SPATA13: variants seen among roughly 807,000 people sequenced by gnomAD.
SPATA13 encodes the protein spermatogenesis associated 13.
Under a neutral mutation model 104.0 loss-of-function variants are expected in SPATA13, and 50 were observed. The observed-to-expected ratio is 0.48, with a 90% CI of 0.38 to 0.61. The LOEUF (loss-of-function observed/expected upper bound fraction) is 0.61. Among genes scored for constraint, SPATA13 ranks in the 20% least tolerant of loss-of-function variants. SPATA13 has a pLI of 0.00. For synonymous variants in SPATA13, 606 were observed against 667.5 expected (o/e 0.91, Z 1.42); for missense variants, 1,524 against 1,690.6 (o/e 0.90, Z 1.73).
At chr13:24,122,097 T>G in intron 3 of SPATA13, 2 of 1,611,272 alleles carry the variant, frequency 1.2e-6, no homozygotes, top group Non-Finnish European at 1.7e-6. Context: ...CCTCCAAAAT[T>G]GAAAGAACTT....
intron 3 of SPATA13, among the ~76,000 whole-genome samples, chr13:24,144,561 C>T (rs192629928): frequency 2.2e-4 from 33 of 152,128 alleles, no homozygotes; most frequent in African/African-American, 7.7e-4. Context: ...CCCAGACAAA[C>T]TTTGATCAGG....
In SPATA13 at chr13:24,139,736, G is replaced by A. The variant is rs146877824; in HGVS notation, c.-111-83083G>A. 1.1e-4 allele frequency among the ~76,000 whole-genome samples: 16 copies of A among 152,284 alleles called. No individual in the cohort carries two copies. In the East Asian group the frequency reaches 2.9e-3, roughly 28 times the overall value. Reference sequence around the variant, plus strand: ...ACTGCTTAGCTACATGATGTAGAACGATCTGCTTAATTGATGTACCTGTTT... The same window carrying A: ...ACTGCTTAGCTACATGATGTAGAACAATCTGCTTAATTGATGTACCTGTTT... On this transcript the variant is annotated intron_variant, in intron 3 of 14. Transcript: ENST00000424834.
intron 3 of SPATA13, among the ~76,000 whole-genome samples, chr13:24,020,258 G>A (rs1470763249): frequency 3.3e-5 from 5 of 152,174 alleles, no homozygotes; most frequent in African/African-American, 9.7e-5. Context: ...TCAAACTTAA[G>A]CATTTCATTT....
intron 1 of SPATA13, among the ~76,000 whole-genome samples, chr13:24,207,683 G>A (rs1188781277): frequency 6.6e-6 from 1 of 152,232 alleles, no homozygotes; most frequent in African/African-American, 2.4e-5. Flanking sequence ...AAAGAATGCA[G>A]TATTTGTGTG....
intron 3 of SPATA13, among the ~76,000 whole-genome samples, chr13:24,038,710 A>T (rs112421492): frequency 4.2e-3 from 644 of 152,326 alleles, no homozygotes; most frequent in Middle Eastern, 0.01. Flanking sequence ...AACTCTATTT[A>T]CAGAAACAAG....
intron 4 of SPATA13, chr13:24,253,239 A>C (rs1873599016): frequency 6.6e-6 from 1 of 152,190 alleles, no homozygotes; most frequent in Admixed American, 6.5e-5. Flanking sequence ...TTAACAGAGC[A>C]GACAGTACTA....
intron 1 of SPATA13, among the ~76,000 whole-genome samples, chr13:24,203,522 C>G (rs1566148736): frequency 1.3e-5 from 2 of 152,016 alleles, no homozygotes; most frequent in Admixed American, 1.3e-4. Flanking sequence ...TTAAACTTTG[C>G]TGTTGAGGAT....
At chr13:24,243,762 C>T (rs1420165426) in intron 2 of SPATA13, among the ~76,000 whole-genome samples, 1 of 152,130 alleles carries the variant, frequency 6.6e-6, no homozygotes, top group South Asian at 2.1e-4. Flanking sequence ...TTCCTTCTCA[C>T]CTTGACCCCT....
chr13:24,297,063 G>A (rs982614356), intron 10 of SPATA13, among the ~76,000 whole-genome samples: 1 of 152,116 alleles, frequency 6.6e-6, no homozygotes, highest in Admixed American at 6.6e-5. Flanking sequence ...TTAGAGAGAA[G>A]GGTCTTGCTC....
intron 2 of SPATA13, among the ~76,000 whole-genome samples, chr13:24,240,725 A>G (rs1872790233): frequency 6.6e-6 from 1 of 152,124 alleles, no homozygotes; most frequent in Non-Finnish European, 1.5e-5. Flanking sequence ...ACTTCAGTAT[A>G]TTTGCATTTT....
intron 3 of SPATA13, among the ~76,000 whole-genome samples, chr13:24,133,344 C>T (rs1881449441): frequency 6.6e-6 from 1 of 152,178 alleles, no homozygotes; most frequent in Non-Finnish European, 1.5e-5. Context: ...ATAGTGGCTC[C>T]TGGGACATTT....
intron 2 of SPATA13, among the ~76,000 whole-genome samples, chr13:23,999,927 C>T (rs1875879104): frequency 6.6e-6 from 1 of 152,104 alleles, no homozygotes. Context: ...ACCTGAATTG[C>T]AGCAAAGCTG....
rs936917768 is a variant in SPATA13 at position 24,142,718 on chromosome 13, TCTC to T, written c.-111-80095_-111-80093del. On this transcript the variant is annotated intron_variant, in intron 3 of 14. Transcript: ENST00000424834. Reference sequence around the variant, plus strand: ...TTCCTTCTTTTTCCTCCCTTCTTCTTCTCCTCCTTTTTCTCCTTCTCCTTCTCC... The same window carrying T: ...TTCCTTCTTTTTCCTCCCTTCTTCTTCTCCTTTTTCTCCTTCTCCTTCTCC... Among the ~76,000 whole-genome samples, 18 of 152,126 alleles carry T rather than the reference TCTC, an allele frequency of 1.2e-4. No homozygotes were observed. The South Asian group carries it at 2.3e-3, about 19-fold the overall frequency.
intron 3 of SPATA13, among the ~76,000 whole-genome samples, chr13:24,143,690 G>T (rs956286890): frequency 2.6e-5 from 4 of 152,122 alleles, no homozygotes; most frequent in Admixed American, 6.5e-5. Context: ...AACCCGAAAC[G>T]TCCTCCAGGG....
intron 3 of SPATA13, among the ~76,000 whole-genome samples, chr13:24,142,655 T>A (rs973746946): frequency 5.3e-5 from 8 of 151,916 alleles, no homozygotes; most frequent in African/African-American, 1.9e-4. Context: ...CTCCTCCCCC[T>A]TTCCTCTTCC....
At chr13:24,016,658 C>T (rs1371273722) in intron 2 of SPATA13, among the ~76,000 whole-genome samples, 1 of 152,200 alleles carries the variant, frequency 6.6e-6, no homozygotes, top group Non-Finnish European at 1.5e-5. Context: ...CCCTCTCCTT[C>T]CTGGCTCTCA....
chr13:24,228,337 G>T (rs1226750227), intron 2 of SPATA13, among the ~76,000 whole-genome samples: 4 of 151,934 alleles, frequency 2.6e-5, no homozygotes, highest in South Asian at 4.2e-4. Context: ...GGATGGTGTC[G>T]ATCTCCTGAC....
chr13:24,305,351 T>A lies in SPATA13; in HGVS notation c.*2578T>A, dbSNP rs892791071. 6.6e-6 allele frequency: 1 copy of A among 152,170 alleles called. No homozygotes were observed. Among genetic ancestry groups the A allele is most frequent in the Non-Finnish European group, 1.5e-5 (1 of 68,010 alleles). The allele number at this position is 152,170 out of a possible 1,614,324, so 9.4% of individuals were successfully genotyped here. On this transcript the variant is annotated 3_prime_UTR_variant, in exon 13 of 13. Transcript: ENST00000382108. Reference sequence around the variant, plus strand: ...CAGTTTTATAGAGTGTGAGGGTCACTCCATTAAAGATCTCTCCTGGGTGGA... The same window carrying A: ...CAGTTTTATAGAGTGTGAGGGTCACACCATTAAAGATCTCTCCTGGGTGGA...
intron 1 of SPATA13, among the ~76,000 whole-genome samples, chr13:24,217,302 C>T (rs1871309360): frequency 1.3e-5 from 2 of 152,288 alleles, no homozygotes; most frequent in East Asian, 1.9e-4. Context: ...TTTCAGCACT[C>T]TCTCTCTTTT....
Sources: gnomAD v4.1 joint callset for allele counts (sites outside exome capture counted in the v4.1 genomes callset) on GRCh38, gnomAD v4.1.1 for gene constraint, MANE v1.5 for transcripts, NCBI Gene and HGNC (gene_info 2026-07-23, HGNC 2026-07-21) for gene names.